PKN3: variants seen among roughly 807,000 people sequenced by gnomAD.
The protein encoded by PKN3 is protein kinase N3, also known as serine/threonine-protein kinase N3.
PKN3 carries 91 observed loss-of-function variants against 113.1 expected under a neutral mutation model. The ratio of observed to expected loss-of-function variants is 0.80; its 90% CI spans 0.68 to 0.96. PKN3 has a LOEUF of 0.96. PKN3 is among the 40% of genes least tolerant of loss of function. PKN3 has a pLI of 0.00. For missense variants in PKN3, 1,052 were observed against 1,202.2 expected, an observed-to-expected ratio of 0.88 and a Z score of 1.85; for synonymous variants, 467 against 499.0, an observed-to-expected ratio of 0.94 and a Z score of 0.85.
Position 128,719,684 on chromosome 9 carries a change from A to G in PKN3, c.2126-2A>G. Reference sequence around the variant, plus strand: ...GCTATTGGTGTGCCTGTTGGTTTGCAGGGATCGGCTTCGGGGACCGGACTA... The same window carrying G: ...GCTATTGGTGTGCCTGTTGGTTTGCGGGGATCGGCTTCGGGGACCGGACTA... On this transcript the variant is annotated splice_acceptor_variant, in intron 18 of 21. Coordinates refer to ENST00000291906, the MANE Select transcript of PKN3 (RefSeq NM_013355.5). LOFTEE classifies it high-confidence loss of function. 1.3e-6 allele frequency: 2 copies of G among 1,542,256 alleles called. No individual in the cohort carries two copies. The highest frequency in any genetic ancestry group is 8.7e-7 in the Non-Finnish European group (1 of 1,144,830).
At chr9:128,714,975 C>A in intron 13 of PKN3, 110 bp downstream of exon 13, 1 of 1,147,706 alleles carries the variant, frequency 8.7e-7, no homozygotes, top group Non-Finnish European at 1.3e-6. Context: ...CGCTGACTGG[C>A]TCTCGGGGTC....
In PKN3 at chr9:128,709,217, C is replaced by T. The variant is rs1485146850; in HGVS notation, c.835+1812C>T. Among the ~76,000 whole-genome samples, 12 of 150,354 alleles carry T rather than the reference C, an allele frequency of 8.0e-5. No homozygotes were observed. The East Asian group carries it at 2.0e-3, about 25-fold the overall frequency. On this transcript the variant is annotated intron_variant, in intron 6 of 21. Coordinates refer to ENST00000291906, the MANE Select transcript of PKN3 (RefSeq NM_013355.5). Reference sequence around the variant, plus strand: ...GGAGAATGGCGGGAACCCCGGGGGGCGGAGCCTACAGTGAGCCGAGATCGC... The same window carrying T: ...GGAGAATGGCGGGAACCCCGGGGGGTGGAGCCTACAGTGAGCCGAGATCGC...
rs563774444 is a variant in PKN3 at position 128,709,978 on chromosome 9, T to C, written c.835+2573T>C. 5.5e-5 allele frequency: 8 copies of C among 146,662 alleles called. No homozygotes were observed. The East Asian group carries it at 1.1e-3, about 20-fold the overall frequency. The allele number at this position is 146,662 out of a possible 1,614,324, so 9.1% of individuals were successfully genotyped here. A position where few individuals can be genotyped will look rare whatever the true frequency, so the allele number is the denominator to read the frequency against. ...CTGAGCTCTGTCACCCAGGCTGGAG[T>C]GCAGTGGCGCGATCTCGGCTCACTG... is the stretch of plus-strand genomic sequence containing the variant. On this transcript the variant is annotated intron_variant, in intron 6 of 21. Transcript: ENST00000291906.
intron 1 of PKN3, 68 bp downstream of exon 1, chr9:128,703,007 C>G: frequency 9.3e-7 from 1 of 1,071,734 alleles, no homozygotes; most frequent in Non-Finnish European, 1.3e-6. Flanking sequence ...GCCCCGGAGC[C>G]CCGAACCGCG....
At chr9:128,717,966 T>G (rs1589492754) in intron 16 of PKN3, among the ~76,000 whole-genome samples, 1 of 139,388 alleles carries the variant, frequency 7.2e-6, no homozygotes, top group Non-Finnish European at 1.5e-5. Context: ...ACCCAGGAGG[T>G]GGAGGTTGCA....
rs1409951892 is a variant in PKN3, at chr9:128,702,747, G to C, written c.-169G>C. 1 of 547,568 alleles carries C rather than the reference G, an allele frequency of 1.8e-6. No individual in the cohort carries two copies. Among genetic ancestry groups the C allele is most frequent in the Non-Finnish European group, 3.1e-6 (1 of 318,532 alleles). The allele number at this position is 547,568 out of a possible 1,614,324, so 33.9% of individuals were successfully genotyped here. A position where few individuals can be genotyped will look rare whatever the true frequency, so the allele number is the denominator to read the frequency against. On this transcript the variant is annotated 5_prime_UTR_variant, in exon 1 of 22. Coordinates refer to ENST00000291906, the MANE Select transcript of PKN3 (RefSeq NM_013355.5). ...CCGGGCGCTGGATCGGCGCGGACGGGAGGCGGCGCTGGTCCCGCGGGCCAG... is the reference window on the plus strand; with the variant it reads ...CCGGGCGCTGGATCGGCGCGGACGGCAGGCGGCGCTGGTCCCGCGGGCCAG...
At chr9:128,708,069 G>A (rs1183742059) in intron 6 of PKN3, among the ~76,000 whole-genome samples, 4 of 28,058 alleles carry the variant, frequency 1.4e-4, no homozygotes, top group Admixed American at 6.8e-4. Context: ...AGACGCCGTC[G>A]CAAAAAAAAA....
chr9:128,716,614 TG>T, intron 15 of PKN3, 132 bp from the exon 16 acceptor site: 1 of 616,826 alleles, frequency 1.6e-6, no homozygotes, highest in Non-Finnish European at 2.7e-6. Flanking sequence ...AAAAAAAAAA[TG>T]AAAAGAAACC....
chr9:128,704,789 G>T (rs1439373228), intron 1 of PKN3, among the ~76,000 whole-genome samples: 1 of 151,964 alleles, frequency 6.6e-6, no homozygotes, highest in Non-Finnish European at 1.5e-5. Context: ...TTAGTGGCGT[G>T]TGCCTGTAAT....
chr9:128,704,256 C>T, intron 1 of PKN3: 2 of 608,514 alleles, frequency 3.3e-6, no homozygotes, highest in Non-Finnish European at 4.1e-6. Context: ...GTTCCTGGCT[C>T]CAACCTGGGT....
intron 15 of PKN3, among the ~76,000 whole-genome samples, chr9:128,716,495 G>C (rs1401670123): frequency 1.3e-5 from 2 of 151,902 alleles, no homozygotes; most frequent in Non-Finnish European, 2.9e-5. Flanking sequence ...CTACTCGGGA[G>C]GCTGAGGCAC....
chr9:128,711,502 A>G (rs1169442920), intron 6 of PKN3, among the ~76,000 whole-genome samples: 5 of 146,826 alleles, frequency 3.4e-5, no homozygotes, highest in African/African-American at 1.3e-4. Flanking sequence ...AGTAGAGACG[A>G]GGTTTCACCA....
At position 128,714,336 on chromosome 9, in the gene PKN3, G is replaced by A; in HGVS notation, c.1452G>A (p.Leu484=). The stretch of plus-strand genomic sequence containing the variant: ...GATGCCCTCGGACCCCAACAACACT[G>A]CGAGAGGCCTCTGACCCTGCCACTC... ...PKGCPRTPTT[L]REASDPATPS... is the part of the protein sequence containing the mutation. The change falls in exon 11 of 22, where the codon CTG becomes CTA. Residue 484 remains leucine (L), a synonymous_variant. Transcript: ENST00000291906. 1 of 1,606,612 alleles carries A rather than the reference G, an allele frequency of 6.2e-7. No homozygotes were observed. Among genetic ancestry groups the A allele is most frequent in the Non-Finnish European group, 8.5e-7 (1 of 1,175,786 alleles).
chr9:128,707,348 G>C lies in PKN3; in HGVS notation c.778G>C (p.Ala260Pro), dbSNP rs769758916. Residue 260 changes from alanine to proline, a missense_variant, in exon 6 of 22, where the codon GCG (alanine) becomes CCG (proline). This residue lies in a region of PKN3 where 719 missense variants were observed against 759.4 expected (regional missense o/e 0.95). Transcript: ENST00000291906. ...RSRVTRELRA[A>P]VPGYPQPSGT... ...CAGAGTGACCCGAGAGTTGCGGGCTGCGGTGCCTGGATACCCCCAGCCTTC... is the reference window on the plus strand; with the variant it reads ...CAGAGTGACCCGAGAGTTGCGGGCTCCGGTGCCTGGATACCCCCAGCCTTC... 10 of 1,613,542 alleles carry C rather than the reference G, an allele frequency of 6.2e-6. No homozygotes were observed. In the South Asian group the frequency reaches 9.9e-5, roughly 16 times the overall value.
At position 128,718,642 on chromosome 9, in the gene PKN3, G is replaced by A. The variant is rs1379138574; in HGVS notation, c.2125+17G>A. On this transcript the variant is annotated intron_variant, in intron 18 of 21. Transcript: ENST00000291906. ...GCAAGGAAGGTGGGGGCCGCCCATTGGGATCCATATCTCCAGCCTTGTTTA... is the reference window on the plus strand; with the variant it reads ...GCAAGGAAGGTGGGGGCCGCCCATTAGGATCCATATCTCCAGCCTTGTTTA... The A allele has an allele frequency of 2.5e-6, 4 of 1,612,210 alleles. No individual in the cohort carries two copies. The highest frequency in any genetic ancestry group is 2.5e-6 in the Non-Finnish European group (3 of 1,178,386).
chr9:128,703,148 A>G (rs1193624978), intron 1 of PKN3, among the ~76,000 whole-genome samples: 2 of 152,088 alleles, frequency 1.3e-5, no homozygotes, highest in South Asian at 2.1e-4. Context: ...ACAGTCTCCA[A>G]ATCAGTCCGC....
Position 128,703,074 on chromosome 9 carries a change from C to A in PKN3, c.24+135C>A, listed in dbSNP as rs563814774. ...CCCCTTCCCTGCCCCTGCCCTGGCC[C>A]CGGCCCCGCGACGCCCTCGCAGAGC... On this transcript the variant is annotated intron_variant, in intron 1 of 21. Coordinates refer to ENST00000291906, the MANE Select transcript of PKN3 (RefSeq NM_013355.5). 3.8e-4 allele frequency: 244 copies of A among 640,390 alleles called. 1 individual carries two copies. In the East Asian group the frequency reaches 8.3e-3, roughly 22 times the overall value. The allele number at this position is 640,390 out of a possible 1,614,324, so 39.7% of individuals were successfully genotyped here. A position where few individuals can be genotyped will look rare whatever the true frequency, so the allele number is the denominator to read the frequency against.
chr9:128,703,002 G>T, intron 1 of PKN3, 63 bp downstream of exon 1: 2 of 1,190,040 alleles, frequency 1.7e-6, no homozygotes, highest in East Asian at 3.2e-5. Context: ...TCATCGCCCC[G>T]GAGCCCCGAA....
rs774211914 is a variant in PKN3, at chr9:128,705,717, G to C, written c.266-17G>C. 14 of 1,593,046 alleles carry C rather than the reference G, an allele frequency of 8.8e-6. No individual in the cohort carries two copies. The highest frequency in any genetic ancestry group is 2.3e-5 in the East Asian group (1 of 43,890). On this transcript the variant is annotated splice_polypyrimidine_tract_variant and intron_variant, in intron 2 of 21. Transcript: ENST00000291906. ...CTCTGGGTGAGGGACTCCTGTGCTC[G>C]ATACCCCCGTGCACAGAGCCTGTGG...
Sources: gnomAD v4.1 joint callset for allele counts (sites outside exome capture counted in the v4.1 genomes callset) on GRCh38, gnomAD v4.1.1 for gene constraint, gnomAD v4.1.1 regional missense constraint, MANE v1.5 for transcripts, NCBI Gene and HGNC (gene_info 2026-07-23, HGNC 2026-07-21) for gene names.